DUOXA2: variants seen among roughly 807,000 people sequenced by gnomAD.
DUOXA2 encodes dual oxidase maturation factor 2.
In DUOXA2, 22 loss-of-function variants were observed where a neutral mutation model predicts 27.6. That is an observed-to-expected ratio of 0.80 (90% confidence interval 0.57 to 1.14). DUOXA2 has a LOEUF of 1.14. Among genes scored for constraint, DUOXA2 ranks in the 50% most tolerant of loss-of-function variants. The pLI is 0.00. For synonymous variants in DUOXA2, 188 were observed against 184.4 expected (o/e 1.02, Z -0.16); for missense variants, 481 against 419.9 (o/e 1.15, Z -1.27).
In DUOXA2 at chr15:45,117,234, G is replaced by T; in HGVS notation, c.698G>T (p.Cys233Phe). The T allele has an allele frequency of 6.2e-7, 1 of 1,610,364 alleles. No homozygotes were observed. The highest frequency in any genetic ancestry group is 8.5e-7 in the Non-Finnish European group (1 of 1,179,618). ...GCCTCCATCTCTAGCGTGCCGCTCT[G>T]CCCGCTCCGCCTAGGCTCCTCCGCG... ...ALASISSVPL[C>F]PLRLGSSALT... The change falls in exon 5 of 6, where the codon TGC becomes TTC. Residue 233 changes from cysteine (C) to phenylalanine (F), a missense_variant. Coordinates refer to ENST00000323030, the MANE Select transcript of DUOXA2 (RefSeq NM_207581.4).
Position 45,117,269 on chromosome 15 carries a change from C to G in DUOXA2, c.733C>G (p.Gln245Glu). 6.2e-7 allele frequency: 1 copy of G among 1,604,380 alleles called. No individual in the cohort carries two copies. The highest frequency in any genetic ancestry group is 8.5e-7 in the Non-Finnish European group (1 of 1,174,624). ...CCTAGGCTCCTCCGCGCTCACCACT[C>G]AGTACGGCGCCGCCTTCTGGGTCAC... ...LRLGSSALTT[Q>E]YGAAFWVTLA... Residue 245 changes from glutamine (Q) to glutamate (E), a missense_variant, in exon 5 of 6, where the codon CAG (glutamine) becomes GAG (glutamate). Gln to Glu is a conservative substitution (Grantham distance 29). Coordinates refer to ENST00000323030, the MANE Select transcript of DUOXA2 (RefSeq NM_207581.4).
chr15:45,117,784 A>C lies in DUOXA2; in HGVS notation c.838A>C (p.Thr280Pro), dbSNP rs747767492. Residue 280 changes from threonine to proline, a missense_variant, in exon 6 of 6, where the codon ACC becomes CCC. Physicochemically the swap from Thr to Pro is conservative, Grantham distance 38 (BLOSUM62 -1). Coordinates refer to ENST00000323030, the MANE Select transcript of DUOXA2 (RefSeq NM_207581.4). ...LQYVRPSALR[T>P]LLDQSAKDCS... ...GTATGTTCGGCCCAGCGCTCTTCGC[A>C]CCCTTCTGGACCAAAGCGCCAAGGA... 6.2e-7 allele frequency: 1 copy of C among 1,613,842 alleles called. No homozygotes were observed. The highest frequency in any genetic ancestry group is 8.5e-7 in the Non-Finnish European group (1 of 1,180,020).
rs1474950431 is a variant in DUOXA2, at chr15:45,116,163, A to G, written c.245A>G (p.Asn82Ser). Residue 82 changes from asparagine to serine, a missense_variant, in exon 3 of 6, where the codon AAC (asparagine) becomes AGC (serine). Physicochemically the swap from Asn to Ser is conservative, Grantham distance 46. Transcript: ENST00000323030. ...FSAEWFVGTV[N>S]TNTSYKAFSA... ...GCAGAATGGTTCGTGGGTACAGTGAACACCAACACATCCTACAAAGCCTTC... is the reference window on the plus strand; with the variant it reads ...GCAGAATGGTTCGTGGGTACAGTGAGCACCAACACATCCTACAAAGCCTTC... 18 of 1,614,036 alleles carry G rather than the reference A, an allele frequency of 1.1e-5. No homozygotes were observed. The highest frequency in any genetic ancestry group is 1.5e-5 in the Non-Finnish European group (18 of 1,180,018).
chr15:45,115,097 G>A (rs1894570773), intron 1 of DUOXA2, among the ~76,000 whole-genome samples: 1 of 152,174 alleles, frequency 6.6e-6, no homozygotes, highest in African/African-American at 2.4e-5. Flanking sequence ...ATCCCATCCG[G>A]TGGGTGATGA....
At position 45,116,167 on chromosome 15, in the gene DUOXA2, C is replaced by G. The variant is rs762917080; in HGVS notation, c.249C>G (p.Thr83=). 1 of 1,614,062 alleles carries G rather than the reference C, an allele frequency of 6.2e-7. No homozygotes were observed. Among genetic ancestry groups the G allele is most frequent in the South Asian group, 1.1e-5 (1 of 91,074 alleles). The change falls in exon 3 of 6, where the codon ACC becomes ACG. Residue 83 remains threonine, a synonymous_variant. Transcript: ENST00000323030. The stretch of plus-strand genomic sequence containing the variant: ...AATGGTTCGTGGGTACAGTGAACAC[C>G]AACACATCCTACAAAGCCTTCAGCG... ...SAEWFVGTVN[T]NTSYKAFSAA...
At position 45,114,750 on chromosome 15, in the gene DUOXA2, T is replaced by C. The variant is rs759081652; in HGVS notation, c.145T>C (p.Ser49Pro). The change falls in exon 1 of 6, where the codon TCG (serine) becomes CCG (proline). Residue 49 changes from serine to proline, a missense_variant and splice_region_variant. Ser to Pro is a moderately conservative substitution (Grantham distance 74). Coordinates refer to ENST00000323030, the MANE Select transcript of DUOXA2 (RefSeq NM_207581.4). ...LLILPGIRGHSRWFWLVRVLL... is the reference protein window; with the variant it reads ...LLILPGIRGHPRWFWLVRVLL... ...CATCTTGCCGGGGATCCGTGGCCAC[T>C]CGGTAAGGGTGTCCTCATAGTGCAG... is the stretch of plus-strand genomic sequence containing the variant. The C allele has an allele frequency of 1.9e-6, 3 of 1,614,078 alleles. No individual in the cohort carries two copies. The highest frequency in any genetic ancestry group is 1.1e-5 in the South Asian group (1 of 91,082).
chr15:45,114,870 C>T (rs1894565059), intron 1 of DUOXA2, 118 bp downstream of exon 1: 14 of 1,488,768 alleles, frequency 9.4e-6, no homozygotes, highest in Non-Finnish European at 1.3e-5. Context: ...CGAATTGAGG[C>T]TCAGGTGGAG....
At position 45,116,619 on chromosome 15, in the gene DUOXA2, G is replaced by A. The variant is rs772785021; in HGVS notation, c.444G>A (p.Lys148=). 2.5e-6 allele frequency: 4 copies of A among 1,613,900 alleles called. No individual in the cohort carries two copies. Among genetic ancestry groups the A allele is most frequent in the Admixed American group, 1.7e-5 (1 of 60,014 alleles). The change falls in exon 4 of 6, where the codon AAG becomes AAA. Residue 148 remains lysine (K), a synonymous_variant. Transcript: ENST00000323030. ...YAAEYANALE[K]GLPDPVLYLA... ...CGGAGTACGCGAACGCACTGGAGAAGGGGCTGCCGGACCCAGTGCTCTACC... is the reference window on the plus strand; with the variant it reads ...CGGAGTACGCGAACGCACTGGAGAAAGGGCTGCCGGACCCAGTGCTCTACC...
Position 45,117,074 on chromosome 15 carries a change from C to T in DUOXA2, c.555-17C>T, listed in dbSNP as rs1321505298. 4 of 1,596,942 alleles carry T rather than the reference C, an allele frequency of 2.5e-6. No homozygotes were observed. The African/African-American group carries it at 4.0e-5, about 16-fold the overall frequency. ...GGGAGAAGCCCGCTCACAGCGGGTC[C>T]CCCCACTCCCCGGCAGGGTGGCGTT... On this transcript the variant is annotated splice_polypyrimidine_tract_variant and intron_variant, in intron 4 of 5. Transcript: ENST00000323030.
rs1272729013 is a variant in DUOXA2, at chr15:45,115,864, T to C, written c.205+8T>C. The stretch of plus-strand genomic sequence containing the variant: ...TAGGCGCAGAAATTGTGGGTGAGTG[T>C]GTGGTGCAGCCCATGGGGAGAGGAC... On this transcript the variant is annotated splice_region_variant and intron_variant, in intron 2 of 5. Coordinates refer to ENST00000323030, the MANE Select transcript of DUOXA2 (RefSeq NM_207581.4). The C allele has an allele frequency of 6.2e-7, 1 of 1,613,846 alleles. No individual in the cohort carries two copies. Among genetic ancestry groups the C allele is most frequent in the African/African-American group, 1.3e-5 (1 of 74,818 alleles).
intron 2 of DUOXA2, 65 bp from the exon 3 acceptor site, chr15:45,116,059 C>G (rs560062588): frequency 5.0e-6 from 8 of 1,612,014 alleles, no homozygotes; most frequent in Non-Finnish European, 4.2e-6. Flanking sequence ...TCCCACCTCC[C>G]ATACCACTCT....
In DUOXA2 at chr15:45,117,310, G is replaced by A; in HGVS notation, c.769+5G>A. On this transcript the variant is annotated splice_donor_5th_base_variant and intron_variant, in intron 5 of 5. Transcript: ENST00000323030. ...TCTGGGTCACGCTGGCAACCGGTGA[G>A]GACCGAGAGAATGGGCCCCGGGGGC... 1.9e-6 allele frequency: 3 copies of A among 1,587,472 alleles called. No individual in the cohort carries two copies. The highest frequency in any genetic ancestry group is 2.6e-6 in the Non-Finnish European group (3 of 1,164,508).
At chr15:45,115,483 A>G in intron 1 of DUOXA2, 1 of 565,356 alleles carries the variant, frequency 1.8e-6, no homozygotes, top group East Asian at 4.1e-5. Flanking sequence ...CCAAGCAGTG[A>G]CTGGACCAGG....
chr15:45,115,458 A>T (rs1460318387), intron 1 of DUOXA2: 12 of 530,170 alleles, frequency 2.3e-5, no homozygotes, highest in Non-Finnish European at 3.3e-5. Context: ...GCACTTCTGG[A>T]CTCACTGAGC....
Position 45,115,862 on chromosome 15 carries a change from T to C in DUOXA2, c.205+6T>C, listed in dbSNP as rs1248517132. On this transcript the variant is annotated splice_donor_region_variant and intron_variant, in intron 2 of 5. Coordinates refer to ENST00000323030, the MANE Select transcript of DUOXA2 (RefSeq NM_207581.4). Reference sequence around the variant, plus strand: ...CATAGGCGCAGAAATTGTGGGTGAGTGTGTGGTGCAGCCCATGGGGAGAGG... The same window carrying C: ...CATAGGCGCAGAAATTGTGGGTGAGCGTGTGGTGCAGCCCATGGGGAGAGG... 1.2e-6 allele frequency: 2 copies of C among 1,613,454 alleles called. No individual in the cohort carries two copies. The highest frequency in any genetic ancestry group is 1.7e-6 in the Non-Finnish European group (2 of 1,179,906).
At chr15:45,116,338 C>A in intron 3 of DUOXA2, 80 bp downstream of exon 3, 1 of 1,590,866 alleles carries the variant, frequency 6.3e-7, no homozygotes, top group South Asian at 1.1e-5. Context: ...AGCTGGAGGG[C>A]CTCTCACATC....
At chr15:45,116,834 A>G in intron 4 of DUOXA2, 105 bp downstream of exon 4, 2 of 1,372,328 alleles carry the variant, frequency 1.5e-6, no homozygotes, top group South Asian at 1.2e-5. Flanking sequence ...CTGCAGCCAG[A>G]CCCGACGCGC....
intron 1 of DUOXA2, chr15:45,115,308 G>T: frequency 2.6e-6 from 1 of 385,890 alleles, no homozygotes; most frequent in Non-Finnish European, 5.2e-6. Flanking sequence ...AGTTCTGGGA[G>T]GACCCAGCTT....
chr15:45,117,137 C>A lies in DUOXA2; in HGVS notation c.601C>A (p.Pro201Thr). The A allele has an allele frequency of 6.2e-7, 1 of 1,601,856 alleles. No homozygotes were observed. The highest frequency in any genetic ancestry group is 8.5e-7 in the Non-Finnish European group (1 of 1,179,896). The change falls in exon 5 of 6, where the codon CCG (proline) becomes ACG (threonine). Residue 201 changes from proline (P) to threonine (T), a missense_variant. Physicochemically the swap from Pro to Thr is conservative, Grantham distance 38. Coordinates refer to ENST00000323030, the MANE Select transcript of DUOXA2 (RefSeq NM_207581.4). The part of the protein sequence containing the change: ...WLLSNVLLST[P>T]APLYGGLALL... The stretch of plus-strand genomic sequence containing the variant: ...CCTCTCCAACGTGCTGCTCTCCACG[C>A]CGGCCCCGCTCTACGGAGGCCTGGC...
Sources: allele counts gnomAD v4.1 joint callset (sites outside exome capture counted in the v4.1 genomes callset), GRCh38; gene constraint gnomAD v4.1.1; transcripts MANE v1.5; gene names NCBI Gene and HGNC (gene_info 2026-07-23, HGNC 2026-07-21).